The following ANK3 variants were observed in gnomAD, a reference collection of about 807,000 sequenced individuals.
The protein encoded by ANK3 is ankyrin-3.
In ANK3, 57 loss-of-function variants were observed where a neutral mutation model predicts 370.9. The observed-to-expected ratio is 0.15, with a 90% CI of 0.12 to 0.19. The LOEUF (loss-of-function observed/expected upper bound fraction) is 0.19, where lower values mean the gene tolerates loss of function less well. Ranked by LOEUF, ANK3 falls within the 10% of genes least tolerant of loss-of-function variation. The pLI is 1.00. For synonymous variants in ANK3, 1,929 were observed against 1,946.3 expected, an observed-to-expected ratio of 0.99 and a Z score of 0.23; for missense variants, 4,439 against 5,302.1, an observed-to-expected ratio of 0.84 and a Z score of 5.06.
At chr10:60,693,019 C>T (rs983272251) in intron 1 of ANK3, among the ~76,000 whole-genome samples, 1 of 152,206 alleles carries the variant, frequency 6.6e-6, no homozygotes, top group Non-Finnish European at 1.5e-5. Context: ...GAGTGCCAGA[C>T]AGTGGGCGCA....
intron 12 of ANK3, among the ~76,000 whole-genome samples, chr10:60,201,616 G>C (rs1249635468): frequency 6.6e-6 from 1 of 152,010 alleles, no homozygotes; most frequent in African/African-American, 2.4e-5. Context: ...GAATACCATC[G>C]AGTAATCTAT....
At chr10:60,351,646 G>C (rs2056889699) in intron 1 of ANK3, among the ~76,000 whole-genome samples, 1 of 152,092 alleles carries the variant, frequency 6.6e-6, no homozygotes, top group Non-Finnish European at 1.5e-5. Context: ...AACTTTATTG[G>C]GAAACTGTAT....
At chr10:60,665,250 A>G (rs74155651) in intron 1 of ANK3, among the ~76,000 whole-genome samples, 8,638 of 152,298 alleles carry the variant, frequency 0.057, 347 homozygotes, top group African/African-American at 0.1. Context: ...GAAATATACA[A>G]GGGTAATATT....
At chr10:60,276,957 C>T (rs958148263) in intron 4 of ANK3, among the ~76,000 whole-genome samples, 2 of 152,160 alleles carry the variant, frequency 1.3e-5, no homozygotes, top group African/African-American at 4.8e-5. Context: ...CTCAAAGTAC[C>T]ATACTTGTTG....
intron 26 of ANK3, among the ~76,000 whole-genome samples, chr10:60,112,816 A>G (rs761210134): frequency 5.3e-4 from 81 of 152,236 alleles, no homozygotes; most frequent in Admixed American, 2.0e-3. Context: ...AGCAGCAAAT[A>G]CTTCATATAA....
At chr10:60,112,744 T>C (rs997179034) in intron 26 of ANK3, among the ~76,000 whole-genome samples, 1 of 152,172 alleles carries the variant, frequency 6.6e-6, no homozygotes, top group Non-Finnish European at 1.5e-5. Flanking sequence ...TTTAGCACAA[T>C]GCCAGGTACA....
intron 23 of ANK3, among the ~76,000 whole-genome samples, chr10:60,148,209 G>A: frequency 6.6e-6 from 1 of 152,024 alleles, no homozygotes; most frequent in East Asian, 1.9e-4. Context: ...TCATTCCACA[G>A]AACAAATGAC....
intron 2 of ANK3, among the ~76,000 whole-genome samples, chr10:60,525,552 T>A (rs979951557): frequency 1.3e-5 from 2 of 152,134 alleles, no homozygotes; most frequent in Non-Finnish European, 2.9e-5. Context: ...TGCGCTAAAC[T>A]GCAGTGGTTA....
chr10:60,086,546 G>A, intron 30 of ANK3, 131 bp downstream of exon 30: 1 of 766,658 alleles, frequency 1.3e-6, no homozygotes. Flanking sequence ...CAAGTAAAAT[G>A]TTTTGTTCTT....
intron 2 of ANK3, among the ~76,000 whole-genome samples, chr10:60,483,395 T>C (rs2133105575): frequency 6.6e-6 from 1 of 152,308 alleles, no homozygotes; most frequent in Middle Eastern, 3.4e-3. Context: ...TCATCAAATA[T>C]ATAGCCATAG....
chr10:60,178,877 C>G (rs1360781103), intron 18 of ANK3, among the ~76,000 whole-genome samples: 1 of 149,852 alleles, frequency 6.7e-6, no homozygotes, highest in East Asian at 2.0e-4. Context: ...CCCTGTGGCA[C>G]AATTTAGCTT....
At chr10:60,531,355 G>A (rs2076601301) in intron 2 of ANK3, among the ~76,000 whole-genome samples, 1 of 152,058 alleles carries the variant, frequency 6.6e-6, no homozygotes, top group African/African-American at 2.4e-5. Context: ...AATTACAAAG[G>A]AGGTTCAGTG....
intron 28 of ANK3, among the ~76,000 whole-genome samples, chr10:60,099,822 C>T (rs2090856065): frequency 6.6e-6 from 1 of 152,074 alleles, no homozygotes; most frequent in Non-Finnish European, 1.5e-5. Flanking sequence ...AAGCTTAGAC[C>T]TGCAGTTTCT....
intron 2 of ANK3, among the ~76,000 whole-genome samples, chr10:60,456,332 T>C (rs2064746363): frequency 6.6e-6 from 1 of 152,214 alleles, no homozygotes; most frequent in African/African-American, 2.4e-5. Context: ...CTCTATTTCC[T>C]ATCATTAGTC....
intron 1 of ANK3, among the ~76,000 whole-genome samples, chr10:60,732,951 T>C (rs977575422): frequency 1.3e-4 from 20 of 151,594 alleles, no homozygotes; most frequent in African/African-American, 4.4e-4. Context: ...CTTTTCTTTT[T>C]CCAGACGAAT....
chr10:60,638,426 G>T (rs1415999654), intron 1 of ANK3, among the ~76,000 whole-genome samples: 1 of 151,832 alleles, frequency 6.6e-6, no homozygotes, highest in Non-Finnish European at 1.5e-5. Context: ...CTACATAACA[G>T]AGCAAAAAAT....
chr10:60,424,061 C>T (rs2063829929), intron 2 of ANK3, among the ~76,000 whole-genome samples: 1 of 152,008 alleles, frequency 6.6e-6, no homozygotes, highest in Non-Finnish European at 1.5e-5. Context: ...CAGCACTTTG[C>T]TATGCTATGA....
intron 2 of ANK3, among the ~76,000 whole-genome samples, chr10:60,537,231 C>G (rs549089796): frequency 6.6e-6 from 1 of 151,992 alleles, no homozygotes; most frequent in East Asian, 1.9e-4. Context: ...TGCTGAAATG[C>G]CTTTGTTATA....
intron 1 of ANK3, among the ~76,000 whole-genome samples, chr10:60,694,160 T>G (rs904537913): frequency 6.6e-6 from 1 of 151,808 alleles, no homozygotes; most frequent in South Asian, 2.1e-4. Context: ...TGATGGAAGA[T>G]GAAATGAATG....
Sources: allele counts gnomAD v4.1 joint callset (sites outside exome capture counted in the v4.1 genomes callset), GRCh38; gene constraint gnomAD v4.1.1; transcripts MANE v1.5; gene names NCBI Gene and HGNC (gene_info 2026-07-23, HGNC 2026-07-21).